The following NEBL variants were observed in gnomAD, a reference collection of about 807,000 sequenced individuals.
NEBL encodes nebulette, also known as LIM and SH3 protein 2.
A neutral mutation model predicts 140.2 loss-of-function variants in NEBL; 122 were observed. That is an observed-to-expected ratio of 0.87 (90% confidence interval 0.75 to 1.01). The LOEUF (loss-of-function observed/expected upper bound fraction) is 1.01. Among genes scored for constraint, NEBL ranks in the 50% least tolerant of loss-of-function variants. NEBL has a pLI of 0.00. For missense variants in NEBL, 1,365 were observed against 1,231.3 expected, an observed-to-expected ratio of 1.11 and a Z score of -1.62; for synonymous variants, 436 against 398.9, an observed-to-expected ratio of 1.09 and a Z score of -1.11.
chr10:21,025,516 T>C (rs1320089202), intron 2 of NEBL, among the ~76,000 whole-genome samples: 1 of 152,150 alleles, frequency 6.6e-6, no homozygotes, highest in Non-Finnish European at 1.5e-5. Context: ...TTGTTAAAAA[T>C]ATAGGAAAAG....
intron 4 of NEBL, among the ~76,000 whole-genome samples, chr10:20,958,214 T>C (rs1289493287): frequency 6.6e-6 from 1 of 152,228 alleles, no homozygotes; most frequent in Non-Finnish European, 1.5e-5. Flanking sequence ...CAATTCATAT[T>C]TGGACACTGT....
chr10:20,923,406 C>T (rs1053982105), intron 4 of NEBL, among the ~76,000 whole-genome samples: 31 of 152,028 alleles, frequency 2.0e-4, no homozygotes, highest in Non-Finnish European at 2.4e-4. Context: ...TGGCCAGGCA[C>T]GGTGGCTCAT....
chr10:21,268,473 G>T (rs1177075809), intron 1 of NEBL, among the ~76,000 whole-genome samples: 1 of 151,836 alleles, frequency 6.6e-6, no homozygotes, highest in East Asian at 1.9e-4. Context: ...ACAGAGCAAG[G>T]CTCTATCTCT....
chr10:21,242,158 C>T (rs115833316), intron 3 of NEBL, among the ~76,000 whole-genome samples: 104 of 152,156 alleles, frequency 6.8e-4, no homozygotes, highest in Middle Eastern at 3.4e-3. Flanking sequence ...GCCAAGATCA[C>T]GCCACCACTG....
intron 4 of NEBL, among the ~76,000 whole-genome samples, chr10:20,939,112 G>C (rs1203878947): frequency 6.6e-6 from 1 of 152,062 alleles, no homozygotes; most frequent in Non-Finnish European, 1.5e-5. Flanking sequence ...TCCCCAAGAA[G>C]AGCAACTCCA....
intron 4 of NEBL, among the ~76,000 whole-genome samples, chr10:20,934,133 G>C (rs1834349742): frequency 1.3e-5 from 2 of 152,152 alleles, no homozygotes; most frequent in Non-Finnish European, 1.5e-5. Context: ...CTGGACTTTA[G>C]TCTCATCTGG....
intron 2 of NEBL, among the ~76,000 whole-genome samples, chr10:21,117,632 G>A (rs746804088): frequency 6.6e-6 from 1 of 152,152 alleles, no homozygotes; most frequent in Non-Finnish European, 1.5e-5. Flanking sequence ...CAACTGTTCT[G>A]TCCTATATAT....
intron 3 of NEBL, among the ~76,000 whole-genome samples, chr10:21,193,312 A>G (rs1405125645): frequency 6.6e-6 from 1 of 152,196 alleles, no homozygotes; most frequent in Admixed American, 6.5e-5. Context: ...AACTGGACAG[A>G]AAGTTGATTA....
At chr10:20,945,888 T>C (rs1200797982) in intron 4 of NEBL, among the ~76,000 whole-genome samples, 2 of 152,250 alleles carry the variant, frequency 1.3e-5, no homozygotes, top group Admixed American at 1.3e-4. Flanking sequence ...CTCTGTTCTT[T>C]ACTGATTGTA....
intron 3 of NEBL, among the ~76,000 whole-genome samples, chr10:21,231,556 G>T (rs1842252163): frequency 6.6e-6 from 1 of 151,608 alleles, no homozygotes; most frequent in Admixed American, 6.6e-5. Flanking sequence ...AACAAGAAAA[G>T]AAAAGAAAAG....
intron 3 of NEBL, among the ~76,000 whole-genome samples, chr10:21,234,282 T>C (rs72798598): frequency 0.04 from 6,130 of 152,128 alleles, 192 homozygotes; most frequent in South Asian, 0.14. Context: ...TGGGAGGAAT[T>C]TGGATCATGT....
chr10:21,206,060 A>G (rs964508767), intron 3 of NEBL, among the ~76,000 whole-genome samples: 1 of 152,202 alleles, frequency 6.6e-6, no homozygotes, highest in African/African-American at 2.4e-5. Flanking sequence ...GTACAAACCT[A>G]AGATTGTCTT....
chr10:21,043,456 T>G (rs1301922323), intron 2 of NEBL, among the ~76,000 whole-genome samples: 1 of 152,348 alleles, frequency 6.6e-6, no homozygotes, highest in Admixed American at 6.5e-5. Context: ...AACTTTCTCA[T>G]TTAAAAGGGA....
intron 3 of NEBL, among the ~76,000 whole-genome samples, chr10:20,976,104 G>A (rs1193235421): frequency 4.6e-5 from 7 of 152,056 alleles, no homozygotes; most frequent in African/African-American, 1.4e-4. Flanking sequence ...GGAGGCCAAG[G>A]GAGGCAAATC....
chr10:20,852,182 C>T (rs1009218208), intron 10 of NEBL, among the ~76,000 whole-genome samples: 1 of 151,922 alleles, frequency 6.6e-6, no homozygotes, highest in African/African-American at 2.4e-5. Flanking sequence ...TATAATAAAC[C>T]TTGCACCTGG....
At chr10:21,224,580 T>G (rs577580078) in intron 3 of NEBL, among the ~76,000 whole-genome samples, 1 of 152,348 alleles carries the variant, frequency 6.6e-6, no homozygotes, top group Non-Finnish European at 1.5e-5. Flanking sequence ...AGGATTGCAT[T>G]TATTCTGCAG....
intron 4 of NEBL, among the ~76,000 whole-genome samples, chr10:20,916,641 C>T (rs1405192411): frequency 6.6e-6 from 1 of 152,176 alleles, no homozygotes; most frequent in Non-Finnish European, 1.5e-5. Flanking sequence ...AACTGCTGAC[C>T]TCAAATGATC....
chr10:20,848,498 C>G (rs1234068152), intron 11 of NEBL, among the ~76,000 whole-genome samples: 7 of 152,158 alleles, frequency 4.6e-5, no homozygotes, highest in Admixed American at 2.0e-4. Context: ...CAACCATGGC[C>G]AGTTAGCAAC....
At chr10:20,862,516 C>T (rs563505641) in intron 7 of NEBL, among the ~76,000 whole-genome samples, 4 of 152,194 alleles carry the variant, frequency 2.6e-5, no homozygotes, top group African/African-American at 7.2e-5. Context: ...CTTGTTCACT[C>T]GCCAACTACA....
Sources: gnomAD v4.1 joint callset for allele counts (sites outside exome capture counted in the v4.1 genomes callset) on GRCh38, gnomAD v4.1.1 for gene constraint, MANE v1.5 for transcripts, NCBI Gene and HGNC (gene_info 2026-07-23, HGNC 2026-07-21) for gene names.